The following SDC2 variants were observed in gnomAD, a reference collection of about 807,000 sequenced individuals.
SDC2 encodes syndecan-2.
SDC2 carries 13 observed loss-of-function variants against 22.2 expected under a neutral mutation model. The observed-to-expected ratio is 0.59, with a 90% CI of 0.38 to 0.93. The LOEUF (loss-of-function observed/expected upper bound fraction) is 0.93, where lower values mean the gene tolerates loss of function less well. Ranked by LOEUF, SDC2 falls within the 40% of genes least tolerant of loss-of-function variation. SDC2 has a pLI of 0.00. For synonymous variants in SDC2, 94 were observed against 92.8 expected (o/e 1.01, Z -0.07); for missense variants, 235 against 246.8 (o/e 0.95, Z 0.32).
intron 1 of SDC2, among the ~76,000 whole-genome samples, chr8:96,591,547 T>G (rs1814781430): frequency 6.6e-6 from 1 of 152,184 alleles, no homozygotes; most frequent in South Asian, 2.1e-4. Flanking sequence ...AGTTGTACTC[T>G]GCTGAGGGGC....
chr8:96,560,493 A>G (rs778106400), intron 1 of SDC2, among the ~76,000 whole-genome samples: 2 of 152,196 alleles, frequency 1.3e-5, no homozygotes, highest in Non-Finnish European at 2.9e-5. Context: ...AATCTTTTAA[A>G]ATAGTTGGTG....
chr8:96,509,250 G>A (rs1813294494), intron 1 of SDC2, among the ~76,000 whole-genome samples: 1 of 141,954 alleles, frequency 7.0e-6, no homozygotes, highest in African/African-American at 2.5e-5. Context: ...TAATTAATGG[G>A]TGTCAAGCAG....
chr8:96,572,178 C>G (rs570748356), intron 1 of SDC2, among the ~76,000 whole-genome samples: 1 of 152,108 alleles, frequency 6.6e-6, no homozygotes, highest in Non-Finnish European at 1.5e-5. Context: ...TGAGAGGCAA[C>G]CCTACAGGAG....
intron 1 of SDC2, among the ~76,000 whole-genome samples, chr8:96,582,660 A>G (rs1814608258): frequency 6.6e-6 from 1 of 151,706 alleles, no homozygotes; most frequent in African/African-American, 2.4e-5. Context: ...CTGCCATTAC[A>G]AACAGGTGAG....
At chr8:96,559,794 G>A (rs1814178083) in intron 1 of SDC2, among the ~76,000 whole-genome samples, 3 of 152,174 alleles carry the variant, frequency 2.0e-5, no homozygotes, top group Non-Finnish European at 1.5e-5. Context: ...TCCAGGAATA[G>A]TAAGCCAGCT....
chr8:96,548,908 G>T (rs536256538), intron 1 of SDC2, among the ~76,000 whole-genome samples: 1 of 152,188 alleles, frequency 6.6e-6, no homozygotes, highest in Admixed American at 6.5e-5. Flanking sequence ...CCCCAATTCC[G>T]TGGGGGACAG....
intron 1 of SDC2, among the ~76,000 whole-genome samples, chr8:96,518,604 G>A (rs1015853761): frequency 6.6e-6 from 1 of 152,032 alleles, no homozygotes; most frequent in Non-Finnish European, 1.5e-5. Context: ...TGATCCGCCC[G>A]CCTCGGCCTC....
chr8:96,531,158 C>T (rs1813654891), intron 1 of SDC2, among the ~76,000 whole-genome samples: 1 of 152,204 alleles, frequency 6.6e-6, no homozygotes, highest in Non-Finnish European at 1.5e-5. Context: ...TCTGCATTTA[C>T]ATATCGAGAC....
At chr8:96,575,629 C>G (rs1454054431) in intron 1 of SDC2, among the ~76,000 whole-genome samples, 1 of 152,100 alleles carries the variant, frequency 6.6e-6, no homozygotes, top group Non-Finnish European at 1.5e-5. Context: ...CAGTAGGAGC[C>G]AAGTTCTGAG....
At chr8:96,495,176 C>T (rs1384444926) in intron 1 of SDC2, among the ~76,000 whole-genome samples, 16 of 152,180 alleles carry the variant, frequency 1.1e-4, no homozygotes, top group Admixed American at 1.0e-3. Flanking sequence ...CGCCTGGCCG[C>T]TGGGGGACAG....
chr8:96,555,010 C>T (rs937792918), intron 1 of SDC2, among the ~76,000 whole-genome samples: 1 of 151,992 alleles, frequency 6.6e-6, no homozygotes, highest in African/African-American at 2.4e-5. Context: ...GCCTAATTAC[C>T]CTCCACGTCA....
At chr8:96,588,767 T>G (rs1431633765) in intron 1 of SDC2, among the ~76,000 whole-genome samples, 1 of 152,234 alleles carries the variant, frequency 6.6e-6, no homozygotes, top group East Asian at 1.9e-4. Context: ...TTTACTAATT[T>G]GAGCTTTAAT....
chr8:96,574,408 A>G (rs116697255), intron 1 of SDC2, among the ~76,000 whole-genome samples: 3,723 of 152,324 alleles, frequency 0.024, 143 homozygotes, highest in African/African-American at 0.08. Context: ...ATTCAAATAT[A>G]TGCCAGCAGC....
At chr8:96,586,843 A>C (rs1814695059) in intron 1 of SDC2, among the ~76,000 whole-genome samples, 1 of 152,252 alleles carries the variant, frequency 6.6e-6, no homozygotes, top group African/African-American at 2.4e-5. Context: ...AGTGTTTCTT[A>C]AAGAGACTTT....
intron 1 of SDC2, among the ~76,000 whole-genome samples, chr8:96,518,826 G>A (rs974306639): frequency 6.6e-6 from 1 of 152,182 alleles, no homozygotes; most frequent in Non-Finnish European, 1.5e-5. Context: ...CACCTCCTAA[G>A]CTGTTAGTTT....
chr8:96,593,299 C>T (rs1814815951), intron 1 of SDC2, among the ~76,000 whole-genome samples, 181 bp from the exon 2 acceptor site: 1 of 152,336 alleles, frequency 6.6e-6, no homozygotes, highest in East Asian at 1.9e-4. Context: ...AGTCCGTGCT[C>T]ACCTCTCAAA....
intron 1 of SDC2, among the ~76,000 whole-genome samples, chr8:96,506,221 A>C (rs575491249): frequency 6.6e-5 from 10 of 152,338 alleles, no homozygotes; most frequent in African/African-American, 2.4e-4. Context: ...AAGACTTCCA[A>C]GTGGTAAAAT....
chr8:96,600,760 G>A (rs927342662), intron 2 of SDC2, among the ~76,000 whole-genome samples: 1 of 152,218 alleles, frequency 6.6e-6, no homozygotes, highest in African/African-American at 2.4e-5. Flanking sequence ...CACAGGAGGA[G>A]AAGACAAAGG....
At chr8:96,500,936 T>G (rs1813151186) in intron 1 of SDC2, among the ~76,000 whole-genome samples, 1 of 152,176 alleles carries the variant, frequency 6.6e-6, no homozygotes, top group Non-Finnish European at 1.5e-5. Flanking sequence ...GATTTTCCAT[T>G]TGCATTTCAC....
Sources: allele counts gnomAD v4.1 joint callset (sites outside exome capture counted in the v4.1 genomes callset), GRCh38; gene constraint gnomAD v4.1.1; transcripts MANE v1.5; gene names NCBI Gene and HGNC (gene_info 2026-07-23, HGNC 2026-07-21).